The following CRTC1 variants were observed in gnomAD, a reference collection of about 807,000 sequenced individuals.
CRTC1 encodes CREB-regulated transcription coactivator 1.
In CRTC1, 18 loss-of-function variants were observed where a neutral mutation model predicts 66.1. The observed-to-expected ratio is 0.27, with a 90% confidence interval of 0.19 to 0.40. The LOEUF (loss-of-function observed/expected upper bound fraction) is 0.40. Among genes scored for constraint, CRTC1 ranks in the 10% least tolerant of loss-of-function variants. CRTC1 has a pLI of 1.00. For missense variants in CRTC1, 669 were observed against 887.9 expected (o/e 0.75, Z 3.13); for synonymous variants, 416 against 398.8 (o/e 1.04, Z -0.51).
rs1282961816 is a variant in CRTC1 at position 18,778,886 on chromosome 19, TG to T, written c.*1506del. The T allele has an allele frequency of 1.3e-5, 3 of 231,438 alleles. No homozygotes were observed. The highest frequency in any genetic ancestry group is 2.6e-5 in the Non-Finnish European group (3 of 116,972). 14.3% of individuals were successfully genotyped at this position (231,438 alleles called of 1,614,324 possible). The stretch of plus-strand genomic sequence containing the variant: ...CCCTCTCTTGGGCAGCGTGGTCTGC[TG>T]GCTGCCCCTTCTTGGCAGCTCAGGG... On this transcript the variant is annotated 3_prime_UTR_variant, in exon 14 of 14. Coordinates refer to ENST00000321949, the MANE Select transcript of CRTC1 (RefSeq NM_015321.3).
intron 11 of CRTC1, among the ~76,000 whole-genome samples, chr19:18,773,942 A>G (rs2054926517): frequency 6.6e-6 from 1 of 152,176 alleles, no homozygotes; most frequent in South Asian, 2.1e-4. Context: ...CAAAGCTCAG[A>G]TGGGGAGCTC....
chr19:18,722,467 G>A (rs1160021993), intron 1 of CRTC1, among the ~76,000 whole-genome samples: 1 of 152,168 alleles, frequency 6.6e-6, no homozygotes, highest in African/African-American at 2.4e-5. Flanking sequence ...TTTAGGATTG[G>A]CCCCGAATCC....
intron 5 of CRTC1, 74 bp downstream of exon 5, chr19:18,749,949 T>A: frequency 1.7e-6 from 2 of 1,206,722 alleles, no homozygotes; most frequent in Non-Finnish European, 2.4e-6. Flanking sequence ...CTCCAGGAGG[T>A]CACAAGCTTG....
At chr19:18,769,102 C>T (rs2054805202) in intron 10 of CRTC1, among the ~76,000 whole-genome samples, 1 of 152,230 alleles carries the variant, frequency 6.6e-6, no homozygotes, top group South Asian at 2.1e-4. Flanking sequence ...TGAAGCCAGG[C>T]TTCCTAGGAG....
chr19:18,720,527 T>G (rs1289496992), intron 1 of CRTC1, among the ~76,000 whole-genome samples: 2 of 73,906 alleles, frequency 2.7e-5, no homozygotes, highest in Admixed American at 1.5e-4. Context: ...TTTTTAGTGT[T>G]TTTTTTTTTT....
At chr19:18,736,987 A>G (rs1174213142) in intron 1 of CRTC1, among the ~76,000 whole-genome samples, 2 of 152,098 alleles carry the variant, frequency 1.3e-5, no homozygotes, top group Non-Finnish European at 2.9e-5. Flanking sequence ...GTGCTGCCCG[A>G]ACATCTCTCC....
rs531480837 is a variant in CRTC1, at chr19:18,729,060, C to T, written c.127-13850C>T. ...ACTCCTGACCTCAGGTGATCCACCTCCCTTGGCCTCCCAAAGTGCTGGGAT... is the reference window on the plus strand; with the variant it reads ...ACTCCTGACCTCAGGTGATCCACCTTCCTTGGCCTCCCAAAGTGCTGGGAT... On this transcript the variant is annotated intron_variant, in intron 1 of 13. Transcript: ENST00000321949. Among the ~76,000 whole-genome samples the T allele has an allele frequency of 2.7e-5, 4 of 149,834 alleles. No individual in the cohort carries two copies. The South Asian group carries it at 8.4e-4, about 32-fold the overall frequency.
At chr19:18,700,635 G>A (rs944603044) in intron 1 of CRTC1, among the ~76,000 whole-genome samples, 2 of 152,200 alleles carry the variant, frequency 1.3e-5, no homozygotes, top group South Asian at 2.1e-4. Flanking sequence ...GCAGAGGGTG[G>A]GTGGGTGCAT....
rs909587658 is a variant in CRTC1 at position 18,778,713 on chromosome 19, G to A, written c.*1331G>A. On this transcript the variant is annotated 3_prime_UTR_variant, in exon 14 of 14. Transcript: ENST00000321949. ...GTGTGTGAAGATGCCATGACCAGTG[G>A]CAGCTGAGACCTCTCTGCCCCAAGA... The A allele has an allele frequency of 1.7e-5, 4 of 230,694 alleles. No individual in the cohort carries two copies. Among genetic ancestry groups the A allele is most frequent in the Non-Finnish European group, 3.4e-5 (4 of 116,520 alleles). 14.3% of individuals were successfully genotyped at this position (230,694 alleles called of 1,614,324 possible). A position where few individuals can be genotyped will look rare whatever the true frequency, so the allele number is the denominator to read the frequency against.
At chr19:18,755,853 C>T (rs955872158) in intron 6 of CRTC1, among the ~76,000 whole-genome samples, 1 of 151,930 alleles carries the variant, frequency 6.6e-6, no homozygotes, top group African/African-American at 2.4e-5. Flanking sequence ...TCCTCTGCCT[C>T]AGCCTCCCAA....
At position 18,782,111 on chromosome 19, in the gene CRTC1, CCTGTGCTCCTCTGTGCCCAGGCTGGCT is replaced by C. The variant is rs2055114746; in HGVS notation, c.*4732_*4758del. 6 of 224,016 alleles carry C rather than the reference CCTGTGCTCCTCTGTGCCCAGGCTGGCT, an allele frequency of 2.7e-5. No individual in the cohort carries two copies. In the South Asian group the frequency reaches 9.2e-4, roughly 34 times the overall value. The allele number at this position is 224,016 out of a possible 1,614,324, so 13.9% of individuals were successfully genotyped here. On this transcript the variant is annotated 3_prime_UTR_variant, in exon 14 of 14. Coordinates refer to ENST00000321949, the MANE Select transcript of CRTC1 (RefSeq NM_015321.3). ...CCCGCCGGTCCGAGCCCTGTTCCTG[CCTGTGCTCCTCTGTGCCCAGGCTGGCT>C]CTCCCCCAACCCTAGCATGTATACT...
At chr19:18,735,272 T>C (rs1157832005) in intron 1 of CRTC1, among the ~76,000 whole-genome samples, 1 of 152,146 alleles carries the variant, frequency 6.6e-6, no homozygotes, top group Non-Finnish European at 1.5e-5. Context: ...CTTGTCCCTG[T>C]CTCCCTTCTC....
chr19:18,757,506 G>T (rs1278552376), intron 6 of CRTC1, among the ~76,000 whole-genome samples: 1 of 152,174 alleles, frequency 6.6e-6, no homozygotes, highest in Non-Finnish European at 1.5e-5. Context: ...ACCCCACCCT[G>T]CCTCAGAAGC....
At chr19:18,733,125 G>A (rs1051284439) in intron 1 of CRTC1, among the ~76,000 whole-genome samples, 3 of 151,714 alleles carry the variant, frequency 2.0e-5, no homozygotes, top group African/African-American at 7.3e-5. Context: ...CAGCCCTCCC[G>A]GCTGGGGAAA....
intron 2 of CRTC1, chr19:18,744,087 CT>C (rs1184919535): frequency 6.2e-7 from 1 of 1,613,072 alleles, no homozygotes; most frequent in South Asian, 1.1e-5. Context: ...GTCTCAAAGT[CT>C]CGGTTCTTTG....
chr19:18,702,048 C>T (rs760273577), intron 1 of CRTC1, among the ~76,000 whole-genome samples: 2 of 150,818 alleles, frequency 1.3e-5, no homozygotes, highest in Admixed American at 6.6e-5. Flanking sequence ...CTCAGCCTCC[C>T]GAGTAGCTGG....
At chr19:18,758,593 T>C (rs929721474) in intron 6 of CRTC1, among the ~76,000 whole-genome samples, 2 of 152,038 alleles carry the variant, frequency 1.3e-5, no homozygotes, top group African/African-American at 2.4e-5. Context: ...GCTGCCCACA[T>C]AGCAGAGGGA....
intron 1 of CRTC1, among the ~76,000 whole-genome samples, chr19:18,696,474 A>G (rs1047189408): frequency 2.0e-5 from 3 of 152,148 alleles, no homozygotes; most frequent in African/African-American, 7.2e-5. Context: ...GCAGTAACTC[A>G]TGAGAAAGGG....
At chr19:18,701,478 C>T (rs997936350) in intron 1 of CRTC1, among the ~76,000 whole-genome samples, 1 of 152,266 alleles carries the variant, frequency 6.6e-6, no homozygotes, top group Admixed American at 6.5e-5. Context: ...AGAGCAGGAT[C>T]GCACCTTGTT....
Sources: allele counts gnomAD v4.1 joint callset (sites outside exome capture counted in the v4.1 genomes callset), GRCh38; gene constraint gnomAD v4.1.1; transcripts MANE v1.5; gene names NCBI Gene and HGNC (gene_info 2026-07-23, HGNC 2026-07-21).